Variants in L3MBTL4 observed in about 807,000 individuals in gnomAD.
L3MBTL4 encodes the protein L3MBTL histone methyl-lysine binding protein 4.
A neutral mutation model predicts 84.5 loss-of-function variants in L3MBTL4; 70 were observed. The observed-to-expected ratio is 0.83, with a 90% CI of 0.68 to 1.01. The LOEUF (loss-of-function observed/expected upper bound fraction) is 1.01, where lower values mean the gene tolerates loss of function less well. L3MBTL4 is among the 50% of genes least tolerant of loss of function. L3MBTL4 has a pLI of 0.00. For synonymous variants in L3MBTL4, 274 were observed against 259.8 expected (o/e 1.05, Z -0.52); for missense variants, 715 against 754.8 (o/e 0.95, Z 0.62).
intron 13 of L3MBTL4, among the ~76,000 whole-genome samples, chr18:6,166,609 A>G (rs1328343942): frequency 6.6e-6 from 1 of 152,250 alleles, no homozygotes; most frequent in Non-Finnish European, 1.5e-5. Context: ...AGGCAGAGAT[A>G]AAGATGTTCT....
chr18:6,393,086 A>G (rs78364019), intron 1 of L3MBTL4, among the ~76,000 whole-genome samples: 22,693 of 152,212 alleles, frequency 0.15, 1,747 homozygotes, highest in Non-Finnish European at 0.15. Flanking sequence ...ATAAAAAAAA[A>G]AATTTTAACT....
chr18:6,145,000 T>C (rs2042587180), intron 13 of L3MBTL4, among the ~76,000 whole-genome samples: 1 of 152,202 alleles, frequency 6.6e-6, no homozygotes, highest in Non-Finnish European at 1.5e-5. Context: ...TTGATTAAAC[T>C]CTATGGTTTA....
chr18:6,160,494 G>A (rs926312746), intron 13 of L3MBTL4, among the ~76,000 whole-genome samples: 9 of 152,200 alleles, frequency 5.9e-5, no homozygotes, highest in Non-Finnish European at 1.3e-4. Flanking sequence ...CACTTTGGGA[G>A]GCCAAGGTGG....
chr18:6,055,906 T>C (rs556475789), intron 16 of L3MBTL4, among the ~76,000 whole-genome samples: 5 of 152,234 alleles, frequency 3.3e-5, no homozygotes, highest in African/African-American at 1.2e-4. Context: ...TAAGGGACTT[T>C]GTGTTTATTT....
At chr18:6,333,409 C>A (rs552785441) in intron 1 of L3MBTL4, among the ~76,000 whole-genome samples, 7 of 152,030 alleles carry the variant, frequency 4.6e-5, no homozygotes, top group Non-Finnish European at 8.8e-5. Context: ...CCCATCTCTA[C>A]TAACAATACA....
intron 16 of L3MBTL4, among the ~76,000 whole-genome samples, chr18:6,074,171 C>T (rs2057783937): frequency 6.6e-6 from 1 of 152,124 alleles, no homozygotes. Context: ...ATGAGCTTAC[C>T]GTCACTAAGT....
intron 16 of L3MBTL4, among the ~76,000 whole-genome samples, chr18:6,037,574 C>T (rs56278143): frequency 0.17 from 25,133 of 152,264 alleles, 2,363 homozygotes; most frequent in East Asian, 0.33. Flanking sequence ...GTGCAGGGCA[C>T]TTCCCTTGGA....
chr18:6,232,819 C>G (rs2047052011), intron 10 of L3MBTL4, among the ~76,000 whole-genome samples: 1 of 151,916 alleles, frequency 6.6e-6, no homozygotes, highest in South Asian at 2.1e-4. Context: ...TTTTTCCATA[C>G]TCAGTAATCT....
At chr18:6,174,156 A>C (rs1362690248) in intron 12 of L3MBTL4, among the ~76,000 whole-genome samples, 2 of 152,078 alleles carry the variant, frequency 1.3e-5, no homozygotes, top group Admixed American at 6.6e-5. Context: ...AAAAAAAAAA[A>C]AAAACTCCCA....
At chr18:6,078,023 G>A (rs549270811) in intron 16 of L3MBTL4, among the ~76,000 whole-genome samples, 25 of 146,016 alleles carry the variant, frequency 1.7e-4, no homozygotes, top group African/African-American at 5.8e-4. Flanking sequence ...GCAAGACTTC[G>A]TCTCAATAAA....
chr18:6,353,002 T>C (rs2053269567), intron 1 of L3MBTL4, among the ~76,000 whole-genome samples: 1 of 152,228 alleles, frequency 6.6e-6, no homozygotes, highest in Admixed American at 6.5e-5. Context: ...AACAAAATTA[T>C]AGTTTTTCAA....
Position 6,093,487 on chromosome 18 carries a change from T to TC in L3MBTL4, c.1240dup (p.Glu414GlyfsTer30). ...TCTCAAACGATCGTGAAGTGTTGCC[T>TC]CCTTTTTCAAGTTCATGTCTGAATA... On this transcript the variant is annotated frameshift_variant, in exon 15 of 19. Coordinates refer to ENST00000317931, the MANE Select transcript of L3MBTL4 (RefSeq NM_001330559.2). LOFTEE classifies it high-confidence loss of function. 1 of 1,613,784 alleles carries TC rather than the reference T, an allele frequency of 6.2e-7. No individual in the cohort carries two copies. Among genetic ancestry groups the TC allele is most frequent in the Non-Finnish European group, 8.5e-7 (1 of 1,179,930 alleles).
Position 6,372,978 on chromosome 18 carries a change from C to T in L3MBTL4, c.-91+41823G>A, listed in dbSNP as rs2054218222. Among the ~76,000 whole-genome samples the T allele has an allele frequency of 2.0e-5, 3 of 152,174 alleles. No individual in the cohort carries two copies. The South Asian group carries it at 6.2e-4, about 32-fold the overall frequency. On this transcript the variant is annotated intron_variant, in intron 1 of 18. Transcript: ENST00000317931. ...TGTTAAGTGCTTTATTGTTGCAAAG[C>T]ACATTTAAATATACACTATTTTTTC...
chr18:6,030,569 T>A, intron 16 of L3MBTL4: 2 of 778,832 alleles, frequency 2.6e-6, no homozygotes, highest in Non-Finnish European at 3.1e-6. Flanking sequence ...TGGCACGATC[T>A]CAGCTCACTG....
chr18:6,195,962 C>T (rs150841251), intron 12 of L3MBTL4, among the ~76,000 whole-genome samples: 315 of 152,174 alleles, frequency 2.1e-3, no homozygotes, highest in African/African-American at 6.8e-3. Context: ...CAGCTCCCTT[C>T]GCCCTAGCCC....
At chr18:6,149,245 G>C (rs1049955131) in intron 13 of L3MBTL4, among the ~76,000 whole-genome samples, 10 of 131,526 alleles carry the variant, frequency 7.6e-5, no homozygotes, top group Admixed American at 9.6e-5. Flanking sequence ...TCCCCTTCCT[G>C]TGTCCATGTG....
At chr18:6,354,312 C>T (rs895459794) in intron 1 of L3MBTL4, among the ~76,000 whole-genome samples, 6 of 152,090 alleles carry the variant, frequency 3.9e-5, no homozygotes, top group Non-Finnish European at 8.8e-5. Flanking sequence ...AAATCTAAGG[C>T]CTAAAACTAT....
rs113774915 is a variant in L3MBTL4 at position 6,310,121 on chromosome 18, A to G, written c.72+1433T>C. The stretch of plus-strand genomic sequence containing the variant: ...GTCCAGGGACCACATGTGGAGAAGT[A>G]CCCAGAATAACTCTGAACACATCAA... On this transcript the variant is annotated intron_variant, in intron 3 of 18. Coordinates refer to ENST00000317931, the MANE Select transcript of L3MBTL4 (RefSeq NM_001330559.2). 9.5e-3 allele frequency among the ~76,000 whole-genome samples: 1,442 copies of G among 152,302 alleles called. 21 individuals are homozygous for G. Among genetic ancestry groups the G allele is most frequent in the African/African-American group, 0.032 (1,317 of 41,556 alleles).
rs574043753 is a variant in L3MBTL4, at chr18:5,974,790, C to A, written c.1445-5228G>T. 7.2e-5 allele frequency among the ~76,000 whole-genome samples: 11 copies of A among 152,160 alleles called. No individual in the cohort carries two copies. In the South Asian group the frequency reaches 1.9e-3, roughly 26 times the overall value. ...GACCAGACTTGACAACACGGTGAGA[C>A]CCTGTCTCTACAAAAAAGAAAAAAT... is the stretch of plus-strand genomic sequence containing the variant. On this transcript the variant is annotated intron_variant, in intron 16 of 18. Transcript: ENST00000317931.
Sources: gnomAD v4.1 joint callset for allele counts (sites outside exome capture counted in the v4.1 genomes callset) on GRCh38, gnomAD v4.1.1 for gene constraint, MANE v1.5 for transcripts, NCBI Gene and HGNC (gene_info 2026-07-23, HGNC 2026-07-21) for gene names.